Variants in MYBL2 observed in about 807,000 individuals in gnomAD.
The protein encoded by MYBL2 is MYB proto-oncogene like 2, also known as myb-related protein B.
Under a neutral mutation model 79.9 loss-of-function variants are expected in MYBL2, and 28 were observed. That is an observed-to-expected ratio of 0.35 (90% CI 0.26 to 0.48). The LOEUF (loss-of-function observed/expected upper bound fraction) is 0.48, where lower values mean the gene tolerates loss of function less well. Ranked by LOEUF, MYBL2 falls within the 20% of genes least tolerant of loss-of-function variation. The pLI is 0.99. For missense variants in MYBL2, 735 were observed against 893.9 expected, an observed-to-expected ratio of 0.82 and a Z score of 2.27; for synonymous variants, 378 against 361.2, an observed-to-expected ratio of 1.05 and a Z score of -0.53.
At chr20:43,697,642 G>A (rs915546161) in intron 6 of MYBL2, among the ~76,000 whole-genome samples, 4 of 151,960 alleles carry the variant, frequency 2.6e-5, no homozygotes, top group South Asian at 2.1e-4. Flanking sequence ...AATGGCTCAC[G>A]CCTGTAATCC....
intron 1 of MYBL2, among the ~76,000 whole-genome samples, chr20:43,667,903 T>C (rs1349504198): frequency 6.6e-6 from 1 of 152,134 alleles, no homozygotes; most frequent in Non-Finnish European, 1.5e-5. Context: ...GTTTGAGACC[T>C]CTCTTCCTGT....
At chr20:43,715,100 A>C (rs369122254) in intron 12 of MYBL2, 34 bp from the exon 13 acceptor site, 6 of 1,609,246 alleles carry the variant, frequency 3.7e-6, no homozygotes, top group Non-Finnish European at 4.3e-6. Flanking sequence ...GCTTCTCGCA[A>C]AATGGTGACT....
intron 1 of MYBL2, among the ~76,000 whole-genome samples, chr20:43,671,056 C>A (rs972413477): frequency 1.3e-5 from 2 of 151,618 alleles, no homozygotes; most frequent in African/African-American, 4.9e-5. Context: ...GCAACCTCTG[C>A]CTCCTGGGTT....
chr20:43,703,540 C>G (rs959700334), intron 8 of MYBL2, among the ~76,000 whole-genome samples: 1 of 152,040 alleles, frequency 6.6e-6, no homozygotes, highest in African/African-American at 2.4e-5. Context: ...GGTGTCTGGG[C>G]TGGGTCTCCT....
intron 9 of MYBL2, among the ~76,000 whole-genome samples, chr20:43,708,979 G>C (rs1987847010): frequency 6.6e-6 from 1 of 152,216 alleles, no homozygotes; most frequent in African/African-American, 2.4e-5. Context: ...AGAGACTGTG[G>C]ATCCCTGCCT....
At chr20:43,692,094 A>T in intron 5 of MYBL2, 63 bp from the exon 6 acceptor site, 1 of 1,541,100 alleles carries the variant, frequency 6.5e-7, no homozygotes, top group Non-Finnish European at 8.9e-7. Context: ...GAGGTTAGTG[A>T]TGTGCCTGAT....
chr20:43,687,069 G>A lies in MYBL2; in HGVS notation c.497G>A (p.Gly166Glu). ...GCCGAGATCGCCAAGATGTTGCCAGGGAGGTAAGCTGTCTTCTTGGGGGTT... is the reference window on the plus strand; with the variant it reads ...GCCGAGATCGCCAAGATGTTGCCAGAGAGGTAAGCTGTCTTCTTGGGGGTT... ...RWAEIAKMLP[G>E]RTDNAVKNHW... The change falls in exon 5 of 14, where the codon GGG (glycine) becomes GAG (glutamate). Residue 166 changes from glycine to glutamate, a missense_variant. Physicochemically the swap from Gly to Glu is moderately conservative, Grantham distance 98 (BLOSUM62 -2). Coordinates refer to ENST00000217026, the MANE Select transcript of MYBL2 (RefSeq NM_002466.4). The A allele has an allele frequency of 6.2e-7, 1 of 1,612,374 alleles. No individual in the cohort carries two copies.
chr20:43,677,286 C>T lies in MYBL2; in HGVS notation c.114+3387C>T, dbSNP rs1002145509. Reference sequence around the variant, plus strand: ...GTCCCTGGAATGTGCTGTGGTCATCCGCGGCACCGGTAGGATCAGTGTCTG... The same window carrying T: ...GTCCCTGGAATGTGCTGTGGTCATCTGCGGCACCGGTAGGATCAGTGTCTG... On this transcript the variant is annotated intron_variant, in intron 2 of 13. Coordinates refer to ENST00000217026, the MANE Select transcript of MYBL2 (RefSeq NM_002466.4). Among the ~76,000 whole-genome samples, 20 of 152,240 alleles carry T rather than the reference C, an allele frequency of 1.3e-4. No individual in the cohort carries two copies. The South Asian group carries it at 2.7e-3, about 21-fold the overall frequency.
At chr20:43,669,602 T>C (rs920383959) in intron 1 of MYBL2, among the ~76,000 whole-genome samples, 2 of 152,200 alleles carry the variant, frequency 1.3e-5, no homozygotes, top group Non-Finnish European at 2.9e-5. Context: ...CTAACTGGAC[T>C]CTGCTTTTTC....
intron 11 of MYBL2, among the ~76,000 whole-genome samples, chr20:43,712,402 C>T (rs1987927909): frequency 6.6e-6 from 1 of 152,252 alleles, no homozygotes; most frequent in Admixed American, 6.5e-5. Flanking sequence ...CTCTGGCCTC[C>T]AGGGTCCTCC....
intron 11 of MYBL2, among the ~76,000 whole-genome samples, chr20:43,712,597 G>T (rs1987932309): frequency 6.6e-6 from 1 of 152,288 alleles, no homozygotes; most frequent in Non-Finnish European, 1.5e-5. Context: ...TTGTAGAGGG[G>T]CTTGTCCTGA....
At chr20:43,689,216 C>T (rs1386624505) in intron 5 of MYBL2, among the ~76,000 whole-genome samples, 2 of 152,142 alleles carry the variant, frequency 1.3e-5, no homozygotes, top group African/African-American at 2.4e-5. Context: ...ATTTTGAATC[C>T]CTTTTTTTGT....
intron 4 of MYBL2, among the ~76,000 whole-genome samples, chr20:43,683,550 CATT>C (rs1987193831): frequency 4.0e-5 from 5 of 126,436 alleles, no homozygotes; most frequent in Non-Finnish European, 3.3e-5. Flanking sequence ...GGGAACTAGG[CATT>C]TTTTTTTTTT....
At chr20:43,697,478 G>T (rs1350694133) in intron 6 of MYBL2, among the ~76,000 whole-genome samples, 2 of 151,878 alleles carry the variant, frequency 1.3e-5, no homozygotes, top group Non-Finnish European at 2.9e-5. Context: ...GGGTGTGGTG[G>T]TGCACGCCTG....
At chr20:43,710,212 G>A (rs1568879490) in intron 10 of MYBL2, 150 bp downstream of exon 10, 1 of 661,220 alleles carries the variant, frequency 1.5e-6, no homozygotes, top group Non-Finnish European at 2.3e-6. Flanking sequence ...TATAAATGGG[G>A]AAGCTGAGGC....
intron 9 of MYBL2, among the ~76,000 whole-genome samples, chr20:43,707,921 A>T (rs892922006): frequency 6.6e-6 from 1 of 152,130 alleles, no homozygotes; most frequent in Admixed American, 6.5e-5. Flanking sequence ...TTTCGTCTTC[A>T]TACGCCTCTT....
At chr20:43,715,883 C>G in intron 13 of MYBL2, 76 bp from the exon 14 acceptor site, 1 of 1,514,420 alleles carries the variant, frequency 6.6e-7, no homozygotes, top group East Asian at 2.3e-5. Flanking sequence ...CTCTACCCTT[C>G]CCTGGCCAGG....
At chr20:43,702,126 C>A (rs1169856441) in intron 7 of MYBL2, among the ~76,000 whole-genome samples, 1 of 151,112 alleles carries the variant, frequency 6.6e-6, no homozygotes, top group African/African-American at 2.4e-5. Flanking sequence ...GTCTCTGTCT[C>A]AAAAAAAAGT....
chr20:43,704,779 G>A lies in MYBL2; in HGVS notation c.1366-440G>A, dbSNP rs139597986. Among the ~76,000 whole-genome samples, 474 of 152,282 alleles carry A rather than the reference G, an allele frequency of 3.1e-3. 1 individual carries two copies. Among genetic ancestry groups the A allele is most frequent in the African/African-American group, 0.011 (442 of 41,566 alleles). Reference sequence around the variant, plus strand: ...TTGTGGTAACTAATTGAAATTATTTGTGTGAAGTGCTTAGCACTGGCAAGA... The same window carrying A: ...TTGTGGTAACTAATTGAAATTATTTATGTGAAGTGCTTAGCACTGGCAAGA... On this transcript the variant is annotated intron_variant, in intron 8 of 13. Transcript: ENST00000217026.
Sources: allele counts gnomAD v4.1 joint callset (sites outside exome capture counted in the v4.1 genomes callset), GRCh38; gene constraint gnomAD v4.1.1; transcripts MANE v1.5; gene names NCBI Gene and HGNC (gene_info 2026-07-23, HGNC 2026-07-21).